ARRDC3: variants seen among roughly 807,000 people sequenced by gnomAD.
ARRDC3 encodes arrestin domain containing 3.
In ARRDC3, 10 loss-of-function variants were observed where a neutral mutation model predicts 47.2. That is an observed-to-expected ratio of 0.21 (90% CI 0.13 to 0.36). The LOEUF (loss-of-function observed/expected upper bound fraction) is 0.36, where lower values mean the gene tolerates loss of function less well. Among genes scored for constraint, ARRDC3 ranks in the 10% least tolerant of loss-of-function variants. The pLI, the probability that ARRDC3 is intolerant of heterozygous loss-of-function variation, is 1.00. For synonymous variants in ARRDC3, 156 were observed against 178.3 expected (o/e 0.87, Z 1.00); for missense variants, 381 against 503.6 (o/e 0.76, Z 2.33).
chr5:91,378,598 TTTC>T lies in ARRDC3; in HGVS notation c.362+93_362+95del, dbSNP rs1253265100. 34 of 736,806 alleles carry T rather than the reference TTTC, an allele frequency of 4.6e-5. 1 individual carries two copies. The highest frequency in any genetic ancestry group is 3.6e-5 in the Admixed American group (1 of 27,680). 45.6% of individuals were successfully genotyped at this position (736,806 alleles called of 1,614,324 possible). A position where few individuals can be genotyped will look rare whatever the true frequency, so the allele number is the denominator to read the frequency against. ...GTTTCAGTAATGAAAAGGGTTTTTT[TTTC>T]AACTAAAAATGTTTAAATTTAGAAT... On this transcript the variant is annotated intron_variant, in intron 2 of 7. Transcript: ENST00000265138.
chr5:91,375,360 TCTA>T, intron 4 of ARRDC3, 148 bp downstream of exon 4: 1 of 897,430 alleles, frequency 1.1e-6, no homozygotes, highest in South Asian at 1.9e-5. Flanking sequence ...GAAACTACAT[TCTA>T]CTTTGTGAAA....
chr5:91,375,999 T>A (rs569311059), intron 3 of ARRDC3, among the ~76,000 whole-genome samples: 36 of 152,272 alleles, frequency 2.4e-4, no homozygotes, highest in African/African-American at 8.4e-4. Flanking sequence ...TAATTCCAAA[T>A]GTTAACATCT....
chr5:91,382,762 T>TA, intron 1 of ARRDC3, 51 bp downstream of exon 1: 1 of 1,543,548 alleles, frequency 6.5e-7, no homozygotes, highest in East Asian at 2.3e-5. Context: ...ACTGAAAAGG[T>TA]ACGTTTCCAA....
At chr5:91,372,679 A>G (rs1799207835) in intron 7 of ARRDC3, among the ~76,000 whole-genome samples, 1 of 152,218 alleles carries the variant, frequency 6.6e-6, no homozygotes, top group Admixed American at 6.5e-5. Context: ...ATCTCATATC[A>G]TCACAACCAA....
At chr5:91,373,957 A>C (rs1799241071) in intron 6 of ARRDC3, 119 bp from the exon 7 acceptor site, 6 of 1,474,216 alleles carry the variant, frequency 4.1e-6, no homozygotes, top group Non-Finnish European at 5.6e-6. Context: ...GGTGATCAAA[A>C]CTATGAAGAC....
rs200696797 is a variant in ARRDC3 at position 91,378,021 on chromosome 5, A to T, written c.362+673T>A. On this transcript the variant is annotated intron_variant, in intron 2 of 7. Transcript: ENST00000265138. ...TATTTGTTAAAAGGCATTTTTTTTTAAAAAGTTTGTATCATCTCTTCCAAC... is the reference window on the plus strand; with the variant it reads ...TATTTGTTAAAAGGCATTTTTTTTTTAAAAGTTTGTATCATCTCTTCCAAC... Among the ~76,000 whole-genome samples the T allele has an allele frequency of 1.9e-4, 29 of 151,994 alleles. No individual in the cohort carries two copies. In the East Asian group the frequency reaches 4.4e-3, roughly 23 times the overall value.
chr5:91,371,290 C>A lies in ARRDC3; in HGVS notation c.*110G>T. 1 of 978,378 alleles carries A rather than the reference C, an allele frequency of 1.0e-6. No individual in the cohort carries two copies. The highest frequency in any genetic ancestry group is 1.5e-6 in the Non-Finnish European group (1 of 654,392). 60.6% of individuals were successfully genotyped at this position (978,378 alleles called of 1,614,324 possible). On this transcript the variant is annotated 3_prime_UTR_variant, in exon 8 of 8. Coordinates refer to ENST00000265138, the MANE Select transcript of ARRDC3 (RefSeq NM_020801.4). ...TTCATGTATTCGCCATTTTTCTGGG[C>A]AAAAGTAATTCCACTTCCTCTGAAA...
rs779678796 is a variant in ARRDC3 at position 91,378,694 on chromosome 5, G to C, written c.362C>G (p.Thr121Arg). 4.5e-6 allele frequency: 7 copies of C among 1,555,266 alleles called. No homozygotes were observed. Among genetic ancestry groups the C allele is most frequent in the Non-Finnish European group, 5.3e-6 (6 of 1,137,406 alleles). Residue 121 changes from threonine (T) to arginine (R), a missense_variant and splice_region_variant, in exon 2 of 8, where the codon ACA becomes AGA. By Grantham distance (71) the Thr-to-Arg change is moderately conservative. Transcript: ENST00000265138. ...EYAFSFELPQ[T>R]PLATSFEGRH... The stretch of plus-strand genomic sequence containing the variant: ...AATGCCTATTATTTATAATACTTAC[G>C]TCTGTGGAAGCTCGAAGCTGAATGC...
intron 3 of ARRDC3, among the ~76,000 whole-genome samples, chr5:91,376,254 T>A (rs980198284): frequency 6.6e-5 from 10 of 152,174 alleles, no homozygotes; most frequent in African/African-American, 2.4e-4. Flanking sequence ...AATTTTAGAT[T>A]ATGATATTGT....
intron 1 of ARRDC3, chr5:91,380,582 A>G (rs1216288532): frequency 6.6e-6 from 1 of 152,158 alleles, no homozygotes; most frequent in East Asian, 1.9e-4. Flanking sequence ...CCTCAGGTCA[A>G]CTCAAGGTAG....
At chr5:91,375,690 C>A in intron 3 of ARRDC3, 77 bp from the exon 4 acceptor site, 1 of 963,358 alleles carries the variant, frequency 1.0e-6, no homozygotes, top group Non-Finnish European at 1.5e-6. Context: ...TAAAATATAA[C>A]CCTAAATTTA....
rs368739119 is a variant in ARRDC3 at position 91,379,723 on chromosome 5, T to G, written c.281-948A>C. The stretch of plus-strand genomic sequence containing the variant: ...AATTACAGAAATATCTTTTAAAGTT[T>G]TCTTGGTGTAGAAACCTTTACGATT... On this transcript the variant is annotated intron_variant, in intron 1 of 7. Coordinates refer to ENST00000265138, the MANE Select transcript of ARRDC3 (RefSeq NM_020801.4). Among the ~76,000 whole-genome samples the G allele has an allele frequency of 5.5e-4, 83 of 152,270 alleles. 1 individual carries two copies. In the South Asian group the frequency reaches 0.017, roughly 30 times the overall value.
rs767218001 is a variant in ARRDC3, at chr5:91,374,927, G to C, written c.865C>G (p.Leu289Val). ...CCTCTTAAATGTGTACATACCATTA[G>C]TGAATATTCCACGCGGATTATACTA... ...DCSIIRVEYS[L>V]MVYVDIPGAM... The change falls in exon 5 of 8, where the codon CTA (leucine) becomes GTA (valine). Residue 289 changes from leucine to valine, a missense_variant. Physicochemically the swap from Leu to Val is conservative, Grantham distance 32 (BLOSUM62 1). Coordinates refer to ENST00000265138, the MANE Select transcript of ARRDC3 (RefSeq NM_020801.4). The C allele has an allele frequency of 6.2e-7, 1 of 1,614,034 alleles. No homozygotes were observed. The highest frequency in any genetic ancestry group is 8.5e-7 in the Non-Finnish European group (1 of 1,179,948).
chr5:91,381,588 C>T (rs1799459348), intron 1 of ARRDC3, among the ~76,000 whole-genome samples: 1 of 152,138 alleles, frequency 6.6e-6, no homozygotes, highest in African/African-American at 2.4e-5. Flanking sequence ...TTAATACTGT[C>T]CCTCAAAGCA....
In ARRDC3 at chr5:91,368,878, C is replaced by T. The variant is rs1245422866; in HGVS notation, c.*2522G>A. ...AAAGGAAAAAAAGAGAAATTACAAA[C>T]AGCCATAGAATATAATCTATAAAGC... On this transcript the variant is annotated 3_prime_UTR_variant, in exon 8 of 8. Transcript: ENST00000265138. 1 of 152,488 alleles carries T rather than the reference C, an allele frequency of 6.6e-6. No individual in the cohort carries two copies. The highest frequency in any genetic ancestry group is 1.9e-4 in the East Asian group (1 of 5,192). 9.4% of individuals were successfully genotyped at this position (152,488 alleles called of 1,614,324 possible).
chr5:91,380,158 G>T, intron 1 of ARRDC3: 1 of 154,786 alleles, frequency 6.5e-6, no homozygotes, highest in South Asian at 1.8e-4. Flanking sequence ...AACTAGACCG[G>T]AGCAGGAGAG....
intron 2 of ARRDC3, 88 bp from the exon 3 acceptor site, chr5:91,376,856 G>T: frequency 8.1e-7 from 1 of 1,237,334 alleles, no homozygotes; most frequent in Non-Finnish European, 1.1e-6. Context: ...TTAATATATT[G>T]TATTGTTTAT....
At chr5:91,380,795 G>A (rs1030442159) in intron 1 of ARRDC3, 24 of 152,290 alleles carry the variant, frequency 1.6e-4, no homozygotes, top group African/African-American at 5.8e-4. Context: ...AGGCCGGCAG[G>A]AGCGTCTGCC....
chr5:91,369,962 G>A lies in ARRDC3; in HGVS notation c.*1438C>T, dbSNP rs946014041. Reference sequence around the variant, plus strand: ...CTCATGTTTAGCAAATTGTTCTTTAGGTAATGAAAAACAGTATTCTCATTA... The same window carrying A: ...CTCATGTTTAGCAAATTGTTCTTTAAGTAATGAAAAACAGTATTCTCATTA... On this transcript the variant is annotated 3_prime_UTR_variant, in exon 8 of 8. Coordinates refer to ENST00000265138, the MANE Select transcript of ARRDC3 (RefSeq NM_020801.4). 4 of 151,968 alleles carry A rather than the reference G, an allele frequency of 2.6e-5. No individual in the cohort carries two copies. Among genetic ancestry groups the A allele is most frequent in the Non-Finnish European group, 5.9e-5 (4 of 67,994 alleles). The allele number at this position is 151,968 out of a possible 1,614,324, so 9.4% of individuals were successfully genotyped here. A position where few individuals can be genotyped will look rare whatever the true frequency, so the allele number is the denominator to read the frequency against.
Sources: gnomAD v4.1 joint callset for allele counts (sites outside exome capture counted in the v4.1 genomes callset) on GRCh38, gnomAD v4.1.1 for gene constraint, MANE v1.5 for transcripts, NCBI Gene and HGNC (gene_info 2026-07-23, HGNC 2026-07-21) for gene names.